Variants in FBXL7 observed in about 807,000 individuals in gnomAD.
FBXL7 encodes F-box/LRR-repeat protein 7.
FBXL7 carries 12 observed loss-of-function variants against 38.3 expected under a neutral mutation model. The observed-to-expected ratio is 0.31, with a 90% CI of 0.20 to 0.51. FBXL7 has a LOEUF of 0.51. FBXL7 is among the 20% of genes least tolerant of loss of function. The probability of loss-of-function intolerance (pLI) is 0.98; values close to 1 mark genes in which losing one functional copy is unlikely to be tolerated. For missense variants in FBXL7, 567 were observed against 676.4 expected (o/e 0.84, Z 1.79); for synonymous variants, 297 against 300.9 (o/e 0.99, Z 0.13).
At chr5:15,546,995 AG>A (rs1298618985) in intron 1 of FBXL7, among the ~76,000 whole-genome samples, 2 of 152,226 alleles carry the variant, frequency 1.3e-5, no homozygotes, top group Admixed American at 6.5e-5. Context: ...TTTAAAAGCC[AG>A]GTGGATATTT....
At chr5:15,710,656 T>A (rs1359682429) in intron 2 of FBXL7, among the ~76,000 whole-genome samples, 1 of 152,198 alleles carries the variant, frequency 6.6e-6, no homozygotes, top group Admixed American at 6.5e-5. Context: ...ACACCTAGAA[T>A]GGTACCTGGC....
intron 2 of FBXL7, among the ~76,000 whole-genome samples, chr5:15,807,053 G>T (rs992147379): frequency 1.3e-5 from 2 of 152,070 alleles, no homozygotes; most frequent in Non-Finnish European, 2.9e-5. Flanking sequence ...CCAGGTTCAA[G>T]CAATTCTCTT....
At chr5:15,804,520 A>G (rs551269877) in intron 2 of FBXL7, among the ~76,000 whole-genome samples, 82 of 152,304 alleles carry the variant, frequency 5.4e-4, no homozygotes, top group African/African-American at 2.0e-3. Flanking sequence ...GTTGACCATT[A>G]TATTATTTAT....
intron 2 of FBXL7, among the ~76,000 whole-genome samples, chr5:15,868,108 A>G (rs936844019): frequency 2.0e-5 from 3 of 151,468 alleles, no homozygotes; most frequent in African/African-American, 7.3e-5. Context: ...GTCTCAAAAA[A>G]AAAAAAAAAA....
At position 15,938,768 on chromosome 5, in the gene FBXL7, A is replaced by T. The variant is rs1350661277; in HGVS notation, c.*1582A>T. 3 of 385,334 alleles carry T rather than the reference A, an allele frequency of 7.8e-6. 1 individual carries two copies. Among genetic ancestry groups the T allele is most frequent in the Admixed American group, 4.5e-5 (1 of 22,324 alleles). 23.9% of individuals were successfully genotyped at this position (385,334 alleles called of 1,614,324 possible). On this transcript the variant is annotated 3_prime_UTR_variant, in exon 4 of 4. Coordinates refer to ENST00000504595, the MANE Select transcript of FBXL7 (RefSeq NM_012304.5). ...TGAAACTTCAAATTATCTTATTTGG[A>T]TAGAAGTCTATATTCTAGCCTCATT...
intron 2 of FBXL7, among the ~76,000 whole-genome samples, chr5:15,690,490 CAG>C (rs1301663874): frequency 1.3e-5 from 2 of 152,064 alleles, no homozygotes; most frequent in Non-Finnish European, 2.9e-5. Context: ...ATGATCAAAT[CAG>C]GGAATTATAT....
chr5:15,582,408 A>G (rs1739172570), intron 1 of FBXL7, among the ~76,000 whole-genome samples: 1 of 152,200 alleles, frequency 6.6e-6, no homozygotes, highest in African/African-American at 2.4e-5. Context: ...TGTATGATGG[A>G]AAAAAGGAAA....
At chr5:15,880,733 A>ATATT (rs1443291820) in intron 2 of FBXL7, among the ~76,000 whole-genome samples, 2 of 146,716 alleles carry the variant, frequency 1.4e-5, no homozygotes, top group Non-Finnish European at 3.0e-5. Context: ...ATATATATAT[A>ATATT]TATATAAAGT....
chr5:15,660,898 T>C (rs1272114200), intron 2 of FBXL7, among the ~76,000 whole-genome samples: 2 of 152,230 alleles, frequency 1.3e-5, no homozygotes, highest in Non-Finnish European at 2.9e-5. Context: ...ACTTGGAGTG[T>C]AATCTAACTA....
At chr5:15,735,770 T>C (rs1024588330) in intron 2 of FBXL7, among the ~76,000 whole-genome samples, 6 of 152,182 alleles carry the variant, frequency 3.9e-5, no homozygotes, top group Admixed American at 3.9e-4. Context: ...TGGTGAATGA[T>C]GATCCAGAGA....
At position 15,821,241 on chromosome 5, in the gene FBXL7, T is replaced by G. The variant is rs187042397; in HGVS notation, c.128-106649T>G. 5.0e-3 allele frequency among the ~76,000 whole-genome samples: 755 copies of G among 152,362 alleles called. 6 individuals are homozygous for G. Among genetic ancestry groups the G allele is most frequent in the African/African-American group, 0.017 (703 of 41,586 alleles). ...TAAAATGTATAGAAATATCTTTTCA[T>G]AAAATAATTTTTTTAGAAATATCTT... On this transcript the variant is annotated intron_variant, in intron 2 of 3. Coordinates refer to ENST00000504595, the MANE Select transcript of FBXL7 (RefSeq NM_012304.5).
intron 2 of FBXL7, among the ~76,000 whole-genome samples, chr5:15,732,913 G>A (rs1579416915): frequency 6.6e-6 from 1 of 152,102 alleles, no homozygotes; most frequent in East Asian, 1.9e-4. Flanking sequence ...TATTCATTTA[G>A]TATTGTATTA....
chr5:15,674,488 G>T (rs1742586878), intron 2 of FBXL7, among the ~76,000 whole-genome samples: 1 of 152,116 alleles, frequency 6.6e-6, no homozygotes, highest in Non-Finnish European at 1.5e-5. Flanking sequence ...GATCCAACCA[G>T]GTTGGCTATA....
rs1352420730 is a variant in FBXL7, at chr5:15,672,224, A to G, written c.127+56152A>G. Among the ~76,000 whole-genome samples, 6 of 152,192 alleles carry G rather than the reference A, an allele frequency of 3.9e-5. No homozygotes were observed. The East Asian group carries it at 1.2e-3, about 29-fold the overall frequency. On this transcript the variant is annotated intron_variant, in intron 2 of 3. Coordinates refer to ENST00000504595, the MANE Select transcript of FBXL7 (RefSeq NM_012304.5). ...ATATAAGAATACAGCAAGGAGGGATATTTGCAAGACATCTTAATGTCTGTA... is the reference window on the plus strand; with the variant it reads ...ATATAAGAATACAGCAAGGAGGGATGTTTGCAAGACATCTTAATGTCTGTA...
chr5:15,814,243 A>C (rs1245337109), intron 2 of FBXL7, among the ~76,000 whole-genome samples: 1 of 152,226 alleles, frequency 6.6e-6, no homozygotes, highest in Non-Finnish European at 1.5e-5. Flanking sequence ...AATACTATGC[A>C]GCCATAAAAA....
At position 15,733,155 on chromosome 5, in the gene FBXL7, G is replaced by A. The variant is rs191014469; in HGVS notation, c.127+117083G>A. On this transcript the variant is annotated intron_variant, in intron 2 of 3. Transcript: ENST00000504595. ...GTCGCCCAGGCTGAAGTGCAGTGGCGCTATCTCGGCTCACTGCAACCTCCG... is the reference window on the plus strand; with the variant it reads ...GTCGCCCAGGCTGAAGTGCAGTGGCACTATCTCGGCTCACTGCAACCTCCG... Among the ~76,000 whole-genome samples the A allele has an allele frequency of 1.7e-3, 261 of 152,056 alleles. 2 individuals carry two copies. Among genetic ancestry groups the A allele is most frequent in the African/African-American group, 5.7e-3 (236 of 41,486 alleles).
intron 2 of FBXL7, among the ~76,000 whole-genome samples, chr5:15,728,284 C>G (rs1735480359): frequency 6.6e-6 from 1 of 151,800 alleles, no homozygotes; most frequent in South Asian, 2.1e-4. Context: ...ATTTGTGTGC[C>G]TTATTATTTT....
intron 1 of FBXL7, among the ~76,000 whole-genome samples, chr5:15,519,147 C>G (rs1737027831): frequency 6.6e-6 from 1 of 152,138 alleles, no homozygotes; most frequent in South Asian, 2.1e-4. Flanking sequence ...AGTTCAAGAC[C>G]TGCTTGGCCA....
chr5:15,693,260 C>T (rs1374175699), intron 2 of FBXL7, among the ~76,000 whole-genome samples: 1 of 152,078 alleles, frequency 6.6e-6, no homozygotes, highest in East Asian at 1.9e-4. Context: ...CTGGAATGGG[C>T]GATGGTGGAT....
Sources: allele counts gnomAD v4.1 joint callset (sites outside exome capture counted in the v4.1 genomes callset), GRCh38; gene constraint gnomAD v4.1.1; transcripts MANE v1.5; gene names NCBI Gene and HGNC (gene_info 2026-07-23, HGNC 2026-07-21).